Variants in RBM28 observed in about 807,000 individuals in gnomAD.
RBM28 encodes the protein RNA-binding protein 28.
In RBM28, 78 loss-of-function variants were observed where a neutral mutation model predicts 98.3. The observed-to-expected ratio is 0.79, with a 90% CI of 0.66 to 0.96. RBM28 has a LOEUF of 0.96. Ranked by LOEUF, RBM28 falls within the 40% of genes least tolerant of loss-of-function variation. The pLI is 0.00. For synonymous variants in RBM28, 306 were observed against 330.9 expected (o/e 0.92, Z 0.82); for missense variants, 838 against 913.0 (o/e 0.92, Z 1.06).
intron 10 of RBM28, among the ~76,000 whole-genome samples, chr7:128,328,858 A>G (rs909569552): frequency 5.9e-5 from 9 of 152,250 alleles, no homozygotes; most frequent in Non-Finnish European, 1.3e-4. Context: ...ACGGTAGTTA[A>G]ATGATTTGCC....
Position 128,310,747 on chromosome 7 carries a change from T to A in RBM28, c.*50A>T. The A allele has an allele frequency of 1.2e-6, 2 of 1,608,728 alleles. No homozygotes were observed. Among genetic ancestry groups the A allele is most frequent in the Non-Finnish European group, 1.7e-6 (2 of 1,177,726 alleles). On this transcript the variant is annotated 3_prime_UTR_variant, in exon 19 of 19. Coordinates refer to ENST00000223073, the MANE Select transcript of RBM28 (RefSeq NM_018077.3). ...CGGGGGATGGGGAGGAGCCCAGGAG[T>A]GTCACCAGAAAGTACACAACCCAGC...
rs746716322 is a variant in RBM28 at position 128,314,829 on chromosome 7, C to T, written c.1980G>A (p.Glu660=). Residue 660 remains glutamate (E), a synonymous_variant, in exon 17 of 19, where the codon GAG becomes GAA. Coordinates refer to ENST00000223073, the MANE Select transcript of RBM28 (RefSeq NM_018077.3). Reference sequence around the variant, plus strand: ...TTCTTCTCTTCTTTCCATCAGGCAGCTCCACCTGCTCCACTTCAGCCTTGG... The same window carrying T: ...TTCTTCTCTTCTTTCCATCAGGCAGTTCCACCTGCTCCACTTCAGCCTTGG... ...FQTKAEVEQV[E]LPDGKKRRKV... 1 of 1,614,196 alleles carries T rather than the reference C, an allele frequency of 6.2e-7. No homozygotes were observed. Among genetic ancestry groups the T allele is most frequent in the Non-Finnish European group, 8.5e-7 (1 of 1,180,036 alleles).
At chr7:128,316,364 A>T (rs531426822) in intron 16 of RBM28, among the ~76,000 whole-genome samples, 2 of 152,346 alleles carry the variant, frequency 1.3e-5, no homozygotes, top group South Asian at 4.1e-4. Context: ...TTTTACACAG[A>T]AAGAACAGTA....
intron 18 of RBM28, among the ~76,000 whole-genome samples, chr7:128,312,138 G>T (rs1795998035): frequency 6.6e-6 from 1 of 152,176 alleles, no homozygotes; most frequent in African/African-American, 2.4e-5. Context: ...TGAACTTGAG[G>T]CCAAGCACGG....
intron 14 of RBM28, among the ~76,000 whole-genome samples, chr7:128,320,234 AAG>A (rs201859531): frequency 0.018 from 132 of 7,444 alleles, 2 homozygotes; most frequent in African/African-American, 0.038. Flanking sequence ...AAAAAAAAAA[AAG>A]AAAGAAAGAA....
At chr7:128,326,955 C>CA (rs1796366204) in intron 10 of RBM28, among the ~76,000 whole-genome samples, 1 of 151,112 alleles carries the variant, frequency 6.6e-6, no homozygotes. Context: ...AGCAACATGA[C>CA]AAAACCCTGT....
At chr7:128,322,328 G>A (rs1796254645) in intron 13 of RBM28, among the ~76,000 whole-genome samples, 1 of 152,204 alleles carries the variant, frequency 6.6e-6, no homozygotes. Flanking sequence ...GTTCCTGCGT[G>A]ATCTGTGTCT....
rs1295255684 is a variant in RBM28 at position 128,323,608 on chromosome 7, A to G, written c.1340-17T>C. 2 of 1,614,086 alleles carry G rather than the reference A, an allele frequency of 1.2e-6. No homozygotes were observed. Among genetic ancestry groups the G allele is most frequent in the Non-Finnish European group, 1.7e-6 (2 of 1,180,022 alleles). ...CACGAATCACTGCAGAAAGAGGGAA[A>G]AAGGCCAAGACATCAACAAGGGAAT... On this transcript the variant is annotated splice_polypyrimidine_tract_variant and intron_variant, in intron 12 of 18. Transcript: ENST00000223073.
intron 17 of RBM28, among the ~76,000 whole-genome samples, chr7:128,313,477 T>G (rs1010937030): frequency 6.6e-6 from 1 of 152,106 alleles, no homozygotes; most frequent in Non-Finnish European, 1.5e-5. Flanking sequence ...CTATGCAACA[T>G]AGCAATCCCC....
intron 16 of RBM28, among the ~76,000 whole-genome samples, chr7:128,316,241 T>A (rs73230642): frequency 0.068 from 10,371 of 152,192 alleles, 402 homozygotes; most frequent in African/African-American, 0.092. Flanking sequence ...CTACACAGCT[T>A]AAGGAAGTTC....
At chr7:128,320,313 A>T (rs1477363757) in intron 14 of RBM28, among the ~76,000 whole-genome samples, 4 of 13,648 alleles carry the variant, frequency 2.9e-4, no homozygotes, top group Non-Finnish European at 5.0e-4. Context: ...AGGTGGGAGG[A>T]TTGCTTGAGC....
At chr7:128,339,411 T>C (rs1192357647) in intron 2 of RBM28, 90 bp from the exon 3 acceptor site, 1 of 1,238,660 alleles carries the variant, frequency 8.1e-7, no homozygotes, top group South Asian at 1.3e-5. Flanking sequence ...TGGCGACAGA[T>C]GGCATTTACC....
intron 14 of RBM28, among the ~76,000 whole-genome samples, chr7:128,320,648 C>T (rs946778366): frequency 6.6e-6 from 1 of 152,176 alleles, no homozygotes; most frequent in Non-Finnish European, 1.5e-5. Context: ...AAAAGCAAAG[C>T]AGATTATTTT....
At position 128,318,035 on chromosome 7, in the gene RBM28, C is replaced by G; in HGVS notation, c.1635G>C (p.Ala545=). The G allele has an allele frequency of 6.2e-7, 1 of 1,613,976 alleles. No individual in the cohort carries two copies. Among genetic ancestry groups the G allele is most frequent in the Non-Finnish European group, 8.5e-7 (1 of 1,179,836 alleles). Residue 545 remains alanine, a synonymous_variant, in exon 15 of 19, where the codon GCG becomes GCC. Coordinates refer to ENST00000223073, the MANE Select transcript of RBM28 (RefSeq NM_018077.3). The part of the protein sequence containing the change: ...MKGQSLGYAF[A]EFQEHEHALK... ...GGGCATGCTCGTGCTCTTGGAACTC[C>G]GCAAAGGCGTAGCCCAGGGACTGAC...
At chr7:128,338,990 G>A (rs773258488) in intron 3 of RBM28, among the ~76,000 whole-genome samples, 189 bp from the exon 4 acceptor site, 11 of 152,256 alleles carry the variant, frequency 7.2e-5, no homozygotes, top group East Asian at 1.9e-4. Context: ...AAACACAGAC[G>A]TCTGAGAACT....
rs73230633 is a variant in RBM28, at chr7:128,308,419, T to A, written c.*2378A>T. ...GGAGAGATGGCCAAGGAAAAACAGATCACCTGACTGGCAGGTTATAGCTAT... is the reference window on the plus strand; with the variant it reads ...GGAGAGATGGCCAAGGAAAAACAGAACACCTGACTGGCAGGTTATAGCTAT... On this transcript the variant is annotated 3_prime_UTR_variant, in exon 19 of 19. Transcript: ENST00000223073. The A allele has an allele frequency of 0.082, 12,545 of 152,276 alleles. 657 individuals carry two copies. The highest frequency in any genetic ancestry group is 0.14 in the African/African-American group (5,906 of 41,514). 9.4% of individuals were successfully genotyped at this position (152,276 alleles called of 1,614,324 possible).
At chr7:128,331,009 TA>T in intron 9 of RBM28, 81 bp from the exon 10 acceptor site, 1 of 943,844 alleles carries the variant, frequency 1.1e-6, no homozygotes, top group Non-Finnish European at 1.7e-6. Flanking sequence ...GTAAGTGAGT[TA>T]GATATCAACT....
chr7:128,336,155 G>C, intron 6 of RBM28, 113 bp from the exon 7 acceptor site: 1 of 1,085,806 alleles, frequency 9.2e-7, no homozygotes, highest in Non-Finnish European at 1.3e-6. Flanking sequence ...ACAGAATTTC[G>C]TATATTTTTC....
At chr7:128,336,641 C>A (rs1584661430) in intron 6 of RBM28, among the ~76,000 whole-genome samples, 6 of 152,216 alleles carry the variant, frequency 3.9e-5, no homozygotes, top group African/African-American at 1.4e-4. Flanking sequence ...TATGAATTGA[C>A]AAACAGACCT....
Sources: allele counts gnomAD v4.1 joint callset (sites outside exome capture counted in the v4.1 genomes callset), GRCh38; gene constraint gnomAD v4.1.1; transcripts MANE v1.5; gene names NCBI Gene and HGNC (gene_info 2026-07-23, HGNC 2026-07-21).